The following SNX27 variants were observed in gnomAD, a reference collection of about 807,000 sequenced individuals.
SNX27 encodes sorting nexin 27.
Under a neutral mutation model 71.6 loss-of-function variants are expected in SNX27, and 22 were observed. That is an observed-to-expected ratio of 0.31 (90% CI 0.22 to 0.44). The LOEUF is 0.44. Ranked by LOEUF, SNX27 falls within the 20% of genes least tolerant of loss-of-function variation. The pLI, the probability that SNX27 is intolerant of heterozygous loss-of-function variation, is 1.00. For missense variants in SNX27, 531 were observed against 698.6 expected, an observed-to-expected ratio of 0.76 and a Z score of 2.70; for synonymous variants, 269 against 277.2, an observed-to-expected ratio of 0.97 and a Z score of 0.29.
chr1:151,624,162 T>C (rs1390583160), intron 1 of SNX27, among the ~76,000 whole-genome samples: 2 of 151,712 alleles, frequency 1.3e-5, no homozygotes, highest in Non-Finnish European at 1.5e-5. Flanking sequence ...GTTAGGGTCT[T>C]GCTATGTTCC....
At chr1:151,666,803 T>C (rs1171207609) in intron 6 of SNX27, 1 of 152,192 alleles carries the variant, frequency 6.6e-6, no homozygotes, top group African/African-American at 2.4e-5. Flanking sequence ...CCTAATATTT[T>C]TTTTCTTCCC....
At chr1:151,637,842 G>C (rs554110364) in intron 1 of SNX27, among the ~76,000 whole-genome samples, 1 of 152,334 alleles carries the variant, frequency 6.6e-6, no homozygotes, top group South Asian at 2.1e-4. Flanking sequence ...TAATGGTTTG[G>C]AACAGGACTG....
intron 2 of SNX27, among the ~76,000 whole-genome samples, chr1:151,642,426 G>A (rs962012667): frequency 5.3e-5 from 8 of 151,494 alleles, no homozygotes; most frequent in Non-Finnish European, 1.2e-4. Flanking sequence ...TTGAGTTTGC[G>A]ACTTGCCTTT....
Position 151,662,180 on chromosome 1 carries a change from G to A in SNX27, c.816G>A (p.Val272=), listed in dbSNP as rs552371418. The A allele has an allele frequency of 8.1e-5, 131 of 1,613,154 alleles. 1 individual carries two copies. The South Asian group carries it at 1.3e-3, about 16-fold the overall frequency. ...TTTTCCCCCAGAACTACAATGGTGTGTCCGACGTAGAGCTGAGAGTAGCAT... is the reference window on the plus strand; with the variant it reads ...TTTTCCCCCAGAACTACAATGGTGTATCCGACGTAGAGCTGAGAGTAGCAT... ...LSESDENYNG[V]SDVELRVALP... is the part of the protein sequence containing the mutation. The change falls in exon 5 of 12, where the codon GTG becomes GTA. Residue 272 remains valine, a synonymous_variant. Transcript: ENST00000458013.
intron 1 of SNX27, among the ~76,000 whole-genome samples, chr1:151,622,073 T>C (rs993200645): frequency 1.3e-5 from 2 of 152,238 alleles, no homozygotes; most frequent in Admixed American, 6.5e-5. Context: ...TTCTTCTCTT[T>C]CAATATGTTG....
Position 151,612,816 on chromosome 1 carries a change from T to C in SNX27, c.311+304T>C, listed in dbSNP as rs1667246568. ...TTCTCCGCCCCTTTGCCTTCCCGTTTGGCGTGCTGCATTCTGCTCCTCACT... is the reference window on the plus strand; with the variant it reads ...TTCTCCGCCCCTTTGCCTTCCCGTTCGGCGTGCTGCATTCTGCTCCTCACT... On this transcript the variant is annotated intron_variant, in intron 1 of 11. Coordinates refer to ENST00000458013, the MANE Select transcript of SNX27 (RefSeq NM_001330723.2). This position sits in a 1 kb window ranked among gnomAD's most constrained non-coding sequence, Gnocchi z 5.2. Among the ~76,000 whole-genome samples the C allele has an allele frequency of 6.6e-6, 1 of 152,162 alleles. No individual in the cohort carries two copies. The highest frequency in any genetic ancestry group is 6.5e-5 in the Admixed American group (1 of 15,278).
intron 1 of SNX27, among the ~76,000 whole-genome samples, chr1:151,632,368 G>A (rs1248629105): frequency 2.0e-5 from 3 of 152,084 alleles, no homozygotes; most frequent in Non-Finnish European, 4.4e-5. Context: ...ATGTTGGCCA[G>A]GCTGGTCTTG....
intron 1 of SNX27, among the ~76,000 whole-genome samples, chr1:151,626,360 T>C (rs755013731): frequency 3.9e-5 from 6 of 152,164 alleles, no homozygotes; most frequent in Non-Finnish European, 8.8e-5. Context: ...TTTGGACTTA[T>C]TTTGAGCCAA....
At chr1:151,689,950 G>T (rs1336943853) in intron 8 of SNX27, among the ~76,000 whole-genome samples, 2 of 152,026 alleles carry the variant, frequency 1.3e-5, no homozygotes, top group South Asian at 2.1e-4. Context: ...CCAGGTTCAA[G>T]CAATTCTTCT....
chr1:151,619,026 C>T (rs1420829491), intron 1 of SNX27, among the ~76,000 whole-genome samples: 2 of 151,412 alleles, frequency 1.3e-5, no homozygotes, highest in African/African-American at 4.9e-5. Context: ...AAAAAAAACA[C>T]CTGAAATAAG....
intron 2 of SNX27, among the ~76,000 whole-genome samples, chr1:151,647,576 TACTGTATG>T (rs1266372600): frequency 8.2e-6 from 1 of 121,538 alleles, no homozygotes; most frequent in African/African-American, 3.2e-5. Context: ...GCACATATCT[TACTGTATG>T]ACTGTATTTC....
chr1:151,628,287 A>G (rs1668044101), intron 1 of SNX27, among the ~76,000 whole-genome samples: 1 of 152,138 alleles, frequency 6.6e-6, no homozygotes, highest in Non-Finnish European at 1.5e-5. Flanking sequence ...GATTGCAGGC[A>G]TGAGCCACTG....
intron 1 of SNX27, among the ~76,000 whole-genome samples, chr1:151,638,510 G>A (rs1668573307): frequency 6.6e-6 from 1 of 152,122 alleles, no homozygotes; most frequent in African/African-American, 2.4e-5. Flanking sequence ...CAAGTGGCAG[G>A]GCTGTCAAAA....
At chr1:151,651,241 G>C (rs6587608) in intron 2 of SNX27, among the ~76,000 whole-genome samples, 148,073 of 149,598 alleles carry the variant, frequency 0.99, 73,289 homozygotes, top group South Asian at 1. Context: ...CTGACCCCCC[G>C]ACCTCCCTCC....
Position 151,612,284 on chromosome 1 carries a change from T to C in SNX27, c.83T>C (p.Leu28Pro). ...GGCGGCGGCGGCGGGGGGTCTGGGC[T>C]CCACTGCGCCGGGAACGGCGGCGGG... The part of the protein sequence containing the change: ...GGGGGGGGSG[L>P]HCAGNGGGGG... Residue 28 changes from leucine (L) to proline (P), a missense_variant, in exon 1 of 12, where the codon CTC becomes CCC. Transcript: ENST00000458013. The surrounding 1 kb of genome is among the most constrained non-coding windows in gnomAD (Gnocchi z 5.2). 1.3e-6 allele frequency: 2 copies of C among 1,499,924 alleles called. No homozygotes were observed. Among genetic ancestry groups the C allele is most frequent in the Non-Finnish European group, 8.9e-7 (1 of 1,126,842 alleles). The allele number at this position is 1,499,924 out of a possible 1,614,324, so 92.9% of individuals were successfully genotyped here.
intron 1 of SNX27, among the ~76,000 whole-genome samples, chr1:151,626,873 T>C (rs1433770452): frequency 2.0e-5 from 3 of 152,130 alleles, no homozygotes; most frequent in African/African-American, 7.2e-5. Flanking sequence ...AGAGACAAGA[T>C]AGTTTTTGTT....
intron 1 of SNX27, among the ~76,000 whole-genome samples, chr1:151,617,109 A>T (rs1045888532): frequency 6.6e-6 from 1 of 152,156 alleles, no homozygotes; most frequent in Non-Finnish European, 1.5e-5. Context: ...GTTAAATACT[A>T]ACTGTTCTAT....
At chr1:151,684,624 C>G (rs961698697) in intron 8 of SNX27, among the ~76,000 whole-genome samples, 1 of 152,142 alleles carries the variant, frequency 6.6e-6, no homozygotes, top group African/African-American at 2.4e-5. Flanking sequence ...TCTCAACTTA[C>G]GATGGGGTTA....
chr1:151,636,310 C>T (rs1170728769), intron 1 of SNX27, among the ~76,000 whole-genome samples: 1 of 152,062 alleles, frequency 6.6e-6, no homozygotes, highest in East Asian at 1.9e-4. Context: ...TATTTTATTT[C>T]ATTTTTTAAA....
Sources: allele counts gnomAD v4.1 joint callset (sites outside exome capture counted in the v4.1 genomes callset), GRCh38; gene constraint gnomAD v4.1.1; non-coding constraint Gnocchi (gnomAD v3.1); transcripts MANE v1.5; gene names NCBI Gene and HGNC (gene_info 2026-07-23, HGNC 2026-07-21).